USP6: variants seen among roughly 807,000 people sequenced by gnomAD.
The protein encoded by USP6 is ubiquitin specific peptidase 6.
Under a neutral mutation model 175.7 loss-of-function variants are expected in USP6, and 128 were observed. That is an observed-to-expected ratio of 0.73 (90% CI 0.63 to 0.84). The LOEUF is 0.84. USP6 is among the 40% of genes least tolerant of loss of function. USP6 has a pLI of 0.00. For missense variants in USP6, 1,498 were observed against 1,760.3 expected (o/e 0.85, Z 2.67); for synonymous variants, 562 against 630.6 (o/e 0.89, Z 1.63).
At position 5,140,090 on chromosome 17, in the gene USP6, C is replaced by G. The variant is rs114222753; in HGVS notation, c.1498+416C>G. Among the ~76,000 whole-genome samples, 1,119 of 152,138 alleles carry G rather than the reference C, an allele frequency of 7.4e-3. 20 individuals carry two copies. The highest frequency in any genetic ancestry group is 0.025 in the African/African-American group (1,034 of 41,498). On this transcript the variant is annotated intron_variant, in intron 22 of 37. Coordinates refer to ENST00000574788, the MANE Select transcript of USP6 (RefSeq NM_001304284.2). ...AGCCCCACGACCAGCGTTCTGAATTCTGACAACACCATGAGCCTGTCTTTA... is the reference window on the plus strand; with the variant it reads ...AGCCCCACGACCAGCGTTCTGAATTGTGACAACACCATGAGCCTGTCTTTA...
intron 22 of USP6, among the ~76,000 whole-genome samples, chr17:5,140,407 G>C (rs1336808269): frequency 2.0e-5 from 3 of 152,070 alleles, no homozygotes; most frequent in Non-Finnish European, 4.4e-5. Context: ...CCTGTCTCTA[G>C]AGAAAAGTCA....
chr17:5,160,731 G>A (rs939559246), intron 31 of USP6, among the ~76,000 whole-genome samples: 8 of 152,150 alleles, frequency 5.3e-5, no homozygotes, highest in Non-Finnish European at 7.3e-5. Context: ...ATAATCCTTT[G>A]GGTATATACC....
At chr17:5,170,284 T>G (rs2074184388) in intron 35 of USP6, among the ~76,000 whole-genome samples, 195 bp from the exon 36 acceptor site, 1 of 152,222 alleles carries the variant, frequency 6.6e-6, no homozygotes, top group African/African-American at 2.4e-5. Flanking sequence ...TTGTTGCTTA[T>G]AGGGACTTGG....
intron 5 of USP6, among the ~76,000 whole-genome samples, chr17:5,125,561 G>A (rs1393949724): frequency 2.6e-5 from 4 of 152,088 alleles, no homozygotes; most frequent in Non-Finnish European, 5.9e-5. Context: ...TCTTGCTGTG[G>A]TCCAAGGAAT....
At chr17:5,151,643 A>G (rs1196033114) in intron 30 of USP6, among the ~76,000 whole-genome samples, 6 of 152,242 alleles carry the variant, frequency 3.9e-5, no homozygotes, top group Non-Finnish European at 5.9e-5. Context: ...GTGGTACAAG[A>G]AAAGACAAAT....
rs758091166 is a variant in USP6, at chr17:5,146,017, T to G, written c.2168-6T>G. The stretch of plus-strand genomic sequence containing the variant: ...TTACTGATAAAAGATCTTTTCTCTT[T>G]ACTAGTGATTAAGTTAGATGGTACT... On this transcript the variant is annotated splice_polypyrimidine_tract_variant and splice_region_variant and intron_variant, in intron 27 of 37. Transcript: ENST00000574788. The G allele has an allele frequency of 4.5e-5, 71 of 1,575,556 alleles. No homozygotes were observed. Among genetic ancestry groups the G allele is most frequent in the Non-Finnish European group, 6.0e-5 (70 of 1,160,404 alleles).
chr17:5,130,393 G>A lies in USP6; in HGVS notation c.26G>A (p.Ser9Asn), dbSNP rs767456571. The change falls in exon 10 of 38, where the codon AGT becomes AAT. Residue 9 changes from serine (S) to asparagine (N), a missense_variant. Physicochemically the swap from Ser to Asn is conservative, Grantham distance 46. Transcript: ENST00000574788. Reference protein sequence around the residue: MDMVENADSLQAQERKDIL... With the variant: MDMVENADNLQAQERKDIL... ...ATGGACATGGTAGAGAATGCAGATA[G>A]TTTGCAGGCACAGGAGCGGAAGGAC... The A allele has an allele frequency of 1.2e-5, 20 of 1,614,076 alleles. No individual in the cohort carries two copies. In the East Asian group the frequency reaches 4.5e-4, roughly 36 times the overall value.
chr17:5,148,441 C>A (rs1375262086), intron 29 of USP6, 115 bp from the exon 30 acceptor site: 13 of 1,193,472 alleles, frequency 1.1e-5, no homozygotes, highest in Non-Finnish European at 1.4e-5. Context: ...ACTATGATTT[C>A]TCCCTGCCCT....
intron 36 of USP6, among the ~76,000 whole-genome samples, chr17:5,171,279 T>G (rs2074210687): frequency 6.6e-6 from 1 of 152,050 alleles, no homozygotes; most frequent in African/African-American, 2.4e-5. Flanking sequence ...GGTCAAGTCT[T>G]TAGAGAGTTG....
chr17:5,163,036 T>G, intron 33 of USP6, 32 bp downstream of exon 33: 1 of 1,512,622 alleles, frequency 6.6e-7, no homozygotes, highest in Non-Finnish European at 8.8e-7. Flanking sequence ...AAAATGGTGG[T>G]TTTTATATGG....
intron 33 of USP6, among the ~76,000 whole-genome samples, chr17:5,165,140 G>GA (rs1332013549): frequency 2.0e-5 from 3 of 152,026 alleles, no homozygotes; most frequent in Non-Finnish European, 2.9e-5. Context: ...CTTCAATATT[G>GA]AAAAAAATAC....
At position 5,121,662 on chromosome 17, in the gene USP6, C is replaced by A; in HGVS notation, c.-1387C>A. 1 of 159,798 alleles carries A rather than the reference C, an allele frequency of 6.3e-6. No individual in the cohort carries two copies. The highest frequency in any genetic ancestry group is 1.7e-4 in the South Asian group (1 of 5,858). The allele number at this position is 159,798 out of a possible 1,614,324, so 9.9% of individuals were successfully genotyped here. On this transcript the variant is annotated 5_prime_UTR_variant, in exon 4 of 38. Transcript: ENST00000574788. ...CTGCTGCGACGCGGAGCACCAGGACCATGAGCACCAGGTCCTTCTGGACGT... is the reference window on the plus strand; with the variant it reads ...CTGCTGCGACGCGGAGCACCAGGACAATGAGCACCAGGTCCTTCTGGACGT...
intron 36 of USP6, 33 bp downstream of exon 36, chr17:5,170,948 G>A (rs553756126): frequency 1.2e-6 from 2 of 1,600,836 alleles, no homozygotes; most frequent in Non-Finnish European, 1.7e-6. Context: ...TTCAGAGAGT[G>A]GTCTGTGTTT....
At chr17:5,171,122 G>A (rs1374389414) in intron 36 of USP6, among the ~76,000 whole-genome samples, 1 of 152,178 alleles carries the variant, frequency 6.6e-6, no homozygotes, top group African/African-American at 2.4e-5. Context: ...GCTGAGACAG[G>A]AGGATCGCTT....
At position 5,146,674 on chromosome 17, in the gene USP6, A is replaced by G. The variant is rs558784703; in HGVS notation, c.2320-409A>G. Among the ~76,000 whole-genome samples the G allele has an allele frequency of 2.5e-4, 38 of 152,312 alleles. No homozygotes were observed. In the South Asian group the frequency reaches 7.0e-3, roughly 28 times the overall value. ...GCTGGGGAAACAAATAATCTAATAA[A>G]TATATTGCTTACTCTAAATTAAGCT... On this transcript the variant is annotated intron_variant, in intron 28 of 37. Transcript: ENST00000574788.
rs1473584267 is a variant in USP6, at chr17:5,132,247, G to A, written c.156-149G>A. ...CTCCTGGGAGTCAGAGCCACAGGAA[G>A]GCCCTTGTCCTCCCTTCCCTGTGCC... On this transcript the variant is annotated intron_variant, in intron 11 of 37. Transcript: ENST00000574788. The surrounding 1 kb of genome is among the most constrained non-coding windows in gnomAD (Gnocchi z 4.7). 1 of 1,595,830 alleles carries A rather than the reference G, an allele frequency of 6.3e-7. No individual in the cohort carries two copies. Among genetic ancestry groups the A allele is most frequent in the Admixed American group, 1.7e-5 (1 of 57,296 alleles).
chr17:5,124,408 G>C (rs192413144), intron 4 of USP6, among the ~76,000 whole-genome samples, 158 bp from the exon 5 acceptor site: 1 of 152,318 alleles, frequency 6.6e-6, no homozygotes, highest in Admixed American at 6.5e-5. Context: ...AACAGAACTC[G>C]GTTGGGAATG....
chr17:5,143,336 T>A (rs1182417813), intron 25 of USP6, among the ~76,000 whole-genome samples: 1 of 152,216 alleles, frequency 6.6e-6, no homozygotes, highest in Non-Finnish European at 1.5e-5. Flanking sequence ...GGGAAAAGAT[T>A]GAGAAATCGG....
chr17:5,131,143 C>T (rs572378111), intron 11 of USP6, among the ~76,000 whole-genome samples: 1 of 152,028 alleles, frequency 6.6e-6, no homozygotes, highest in Non-Finnish European at 1.5e-5. Flanking sequence ...ACAGCCCTCA[C>T]TGTCCCCATG....
Sources: gnomAD v4.1 joint callset for allele counts (sites outside exome capture counted in the v4.1 genomes callset) on GRCh38, gnomAD v4.1.1 for gene constraint, Gnocchi (gnomAD v3.1) non-coding constraint, MANE v1.5 for transcripts, NCBI Gene and HGNC (gene_info 2026-07-23, HGNC 2026-07-21) for gene names.